CUX1: variants seen among roughly 807,000 people sequenced by gnomAD.
CUX1 encodes the protein cut like homeobox 1, also known as protein CASP.
Under a neutral mutation model 158.8 loss-of-function variants are expected in CUX1, and 31 were observed. The ratio of observed to expected loss-of-function variants is 0.20; its 90% confidence interval spans 0.15 to 0.26. The LOEUF (loss-of-function observed/expected upper bound fraction) is 0.26. Ranked by LOEUF, CUX1 falls within the 10% of genes least tolerant of loss-of-function variation. CUX1 has a pLI of 1.00. For synonymous variants in CUX1, 879 were observed against 862.1 expected, an observed-to-expected ratio of 1.02 and a Z score of -0.34; for missense variants, 1,589 against 2,014.6, an observed-to-expected ratio of 0.79 and a Z score of 4.04.
In CUX1 at chr7:102,127,832, T is replaced by TTTTG. The variant is rs141324142; in HGVS notation, c.674+12579_674+12582dup. On this transcript the variant is annotated intron_variant, in intron 8 of 23. Transcript: ENST00000292535. Reference sequence around the variant, plus strand: ...GTGGCTGTGGCATCTTTTTCGTGTTTTTTGTTTGTTTGTTTGTTTGTTTTG... The same window carrying TTTTG: ...GTGGCTGTGGCATCTTTTTCGTGTTTTTTGTTTGTTTGTTTGTTTGTTTGTTTTG... 2.8e-3 allele frequency among the ~76,000 whole-genome samples: 425 copies of TTTTG among 151,268 alleles called. 1 individual carries two copies. The highest frequency in any genetic ancestry group is 9.8e-3 in the African/African-American group (402 of 41,180).
At chr7:102,262,395 C>CATGGATGGATGGATGGATGG (rs55973199), downstream of CUX1, among the ~76,000 whole-genome samples, 60,293 of 142,950 alleles carry the variant, frequency 0.42, 13,077 homozygotes, top group East Asian at 0.52. Context: ...AAGACTCCAT[C>CATGGATGGATGGATGGATGG]ATGGATGGAT....
intron 4 of CUX1, among the ~76,000 whole-genome samples, chr7:102,080,221 ACTC>A (rs1364925897): frequency 6.6e-6 from 1 of 150,842 alleles, no homozygotes; most frequent in Non-Finnish European, 1.5e-5. Context: ...TGACTTGGGG[ACTC>A]CTCCTCGGTG....
At chr7:102,188,865 C>T (rs1463444191) in intron 11 of CUX1, 1 of 151,688 alleles carries the variant, frequency 6.6e-6, no homozygotes, top group Non-Finnish European at 1.5e-5. Context: ...AGGAAACAGG[C>T]CACATCAATC....
intron 2 of CUX1, among the ~76,000 whole-genome samples, chr7:101,952,909 G>A (rs1809268134): frequency 6.6e-6 from 1 of 152,228 alleles, no homozygotes; most frequent in African/African-American, 2.4e-5. Flanking sequence ...TTTCCCAGGA[G>A]GACATGGGCT....
At chr7:102,035,021 G>A (rs1234659282) in intron 3 of CUX1, among the ~76,000 whole-genome samples, 2 of 150,720 alleles carry the variant, frequency 1.3e-5, no homozygotes, top group African/African-American at 2.4e-5. Context: ...TCTTTAATGT[G>A]GTAAAAGGTA....
chr7:101,859,748 C>CCT (rs1223494859), intron 1 of CUX1, among the ~76,000 whole-genome samples: 3 of 152,218 alleles, frequency 2.0e-5, no homozygotes, highest in Admixed American at 6.5e-5. Context: ...TTTTTCCCAG[C>CCT]CAGAAGGCTT....
chr7:102,157,458 CT>C (rs1789901156), intron 8 of CUX1, among the ~76,000 whole-genome samples: 1 of 152,282 alleles, frequency 6.6e-6, no homozygotes, highest in Non-Finnish European at 1.5e-5. Context: ...CTCCCATAGG[CT>C]TTTGGAGTTG....
chr7:101,911,645 G>T (rs911680165), intron 1 of CUX1, among the ~76,000 whole-genome samples: 5 of 152,242 alleles, frequency 3.3e-5, no homozygotes, highest in African/African-American at 1.2e-4. Flanking sequence ...GCCAGTGGAT[G>T]ACCTGAGCCT....
chr7:102,264,399 G>A (rs1725596), intron 14 of CUX1, among the ~76,000 whole-genome samples: 29,006 of 152,186 alleles, frequency 0.19, 2,846 homozygotes, highest in South Asian at 0.28. Flanking sequence ...AGAACTGCCA[G>A]TTCAAAGGTC....
intron 11 of CUX1, among the ~76,000 whole-genome samples, chr7:102,181,499 G>A (rs1327010785): frequency 6.6e-6 from 1 of 152,148 alleles, no homozygotes; most frequent in Non-Finnish European, 1.5e-5. Flanking sequence ...TTCCAAATCA[G>A]TTAAGGTTTC....
intron 1 of CUX1, among the ~76,000 whole-genome samples, chr7:101,833,532 G>A (rs942037223): frequency 7.0e-6 from 1 of 142,506 alleles, no homozygotes; most frequent in Non-Finnish European, 1.5e-5. Context: ...TCCAGCCTGG[G>A]TGACAGAGCA....
chr7:102,234,669 C>T (rs1461694835), intron 22 of CUX1, among the ~76,000 whole-genome samples: 2 of 151,122 alleles, frequency 1.3e-5, no homozygotes, highest in Non-Finnish European at 2.9e-5. Context: ...CCTGTAATCT[C>T]AGCACTTTGG....
intron 2 of CUX1, among the ~76,000 whole-genome samples, chr7:101,977,747 G>A (rs1415373292): frequency 6.6e-6 from 1 of 152,002 alleles, no homozygotes; most frequent in Non-Finnish European, 1.5e-5. Context: ...CTCTAGCCTG[G>A]GTGACAGAGT....
At chr7:101,988,780 T>G (rs1168990109) in intron 2 of CUX1, among the ~76,000 whole-genome samples, 1 of 152,082 alleles carries the variant, frequency 6.6e-6, no homozygotes. Flanking sequence ...ACAGGAGGAT[T>G]GCTTGAGGCC....
At chr7:101,964,315 T>C (rs11764204) in intron 2 of CUX1, among the ~76,000 whole-genome samples, 1 of 151,912 alleles carries the variant, frequency 6.6e-6, no homozygotes, top group Non-Finnish European at 1.5e-5. Flanking sequence ...ATCATGACAG[T>C]GCACTCCAGC....
chr7:102,117,065 C>T (rs1448310576), intron 8 of CUX1, among the ~76,000 whole-genome samples: 1 of 152,086 alleles, frequency 6.6e-6, no homozygotes, highest in Non-Finnish European at 1.5e-5. Flanking sequence ...AGACAGGGAG[C>T]CTGCAGGTGG....
intron 4 of CUX1, among the ~76,000 whole-genome samples, chr7:102,088,639 A>G (rs1554481296): frequency 1.3e-5 from 2 of 152,220 alleles, no homozygotes; most frequent in Non-Finnish European, 2.9e-5. Context: ...ATCTCAAAAG[A>G]GAAATAAAAT....
chr7:102,162,274 A>C (rs782378914), intron 9 of CUX1, among the ~76,000 whole-genome samples: 2 of 151,980 alleles, frequency 1.3e-5, no homozygotes, highest in Non-Finnish European at 2.9e-5. Flanking sequence ...GCGAGAGGAA[A>C]CTTTTTTGTT....
intron 2 of CUX1, among the ~76,000 whole-genome samples, chr7:101,939,541 G>A (rs1232833713): frequency 6.6e-6 from 1 of 152,006 alleles, no homozygotes; most frequent in African/African-American, 2.4e-5. Context: ...TTTAAAGAAG[G>A]AGGTTTTGGG....
Sources: gnomAD v4.1 joint callset for allele counts (sites outside exome capture counted in the v4.1 genomes callset) on GRCh38, gnomAD v4.1.1 for gene constraint, MANE v1.5 for transcripts, NCBI Gene and HGNC (gene_info 2026-07-23, HGNC 2026-07-21) for gene names.